The following CDH4 variants were observed in gnomAD, a reference collection of about 807,000 sequenced individuals.
The protein encoded by CDH4 is cadherin 4.
CDH4 carries 33 observed loss-of-function variants against 86.0 expected under a neutral mutation model. The ratio of observed to expected loss-of-function variants is 0.38; its 90% CI spans 0.29 to 0.51. CDH4 has a LOEUF of 0.51. CDH4 is among the 20% of genes least tolerant of loss of function. The pLI is 0.86. For missense variants in CDH4, 1,114 were observed against 1,307.4 expected (o/e 0.85, Z 2.28); for synonymous variants, 555 against 549.4 (o/e 1.01, Z -0.14).
At chr20:61,788,500 A>C (rs868120180) in intron 4 of CDH4, among the ~76,000 whole-genome samples, 3 of 152,264 alleles carry the variant, frequency 2.0e-5, no homozygotes, top group Middle Eastern at 3.4e-3. Flanking sequence ...CGGCACCCAG[A>C]GGTGGGGTCA....
At chr20:61,629,248 T>C (rs2427196) in intron 2 of CDH4, among the ~76,000 whole-genome samples, 89,857 of 152,108 alleles carry the variant, frequency 0.59, 26,710 homozygotes, top group East Asian at 0.72. Flanking sequence ...CCTGTGGCTC[T>C]GTGCACCCAG....
chr20:61,768,475 C>T (rs1309646133), intron 3 of CDH4, among the ~76,000 whole-genome samples: 1 of 152,138 alleles, frequency 6.6e-6, no homozygotes, highest in Non-Finnish European at 1.5e-5. Flanking sequence ...TAAGTCATTA[C>T]CCAATGCTCA....
chr20:61,808,077 C>T (rs1040052908), intron 4 of CDH4, among the ~76,000 whole-genome samples: 2 of 152,052 alleles, frequency 1.3e-5, no homozygotes, highest in Admixed American at 6.5e-5. Flanking sequence ...GTCAGCATGC[C>T]CCTGCCACAC....
At chr20:61,302,625 A>G (rs2084392323) in intron 2 of CDH4, among the ~76,000 whole-genome samples, 1 of 152,056 alleles carries the variant, frequency 6.6e-6, no homozygotes, top group South Asian at 2.1e-4. Context: ...GGTGCCTCCC[A>G]TGTCCTGCAT....
chr20:61,304,261 G>A (rs919127893), intron 2 of CDH4, among the ~76,000 whole-genome samples: 1 of 60,194 alleles, frequency 1.7e-5, no homozygotes, highest in South Asian at 6.7e-4. Flanking sequence ...ATAGTGGACG[G>A]CACCCCCCCA....
chr20:61,507,756 T>C (rs2085751494), intron 2 of CDH4, among the ~76,000 whole-genome samples: 1 of 152,156 alleles, frequency 6.6e-6, no homozygotes, highest in Non-Finnish European at 1.5e-5. Flanking sequence ...GGGGAAAAAC[T>C]GAGGCCATCT....
intron 2 of CDH4, among the ~76,000 whole-genome samples, chr20:61,522,921 G>T (rs1278550668): frequency 6.6e-6 from 1 of 152,264 alleles, no homozygotes; most frequent in East Asian, 1.9e-4. Context: ...TGCAGGGAAA[G>T]CACACAAAGC....
intron 6 of CDH4, among the ~76,000 whole-genome samples, chr20:61,860,524 A>G (rs1046961924): frequency 2.0e-5 from 3 of 152,150 alleles, no homozygotes; most frequent in Non-Finnish European, 2.9e-5. Context: ...CAGGTGATTT[A>G]TGAAGGACCT....
chr20:61,774,899 C>T (rs2088819632), intron 4 of CDH4, among the ~76,000 whole-genome samples: 2 of 152,208 alleles, frequency 1.3e-5, no homozygotes, highest in Non-Finnish European at 2.9e-5. Context: ...TGTATTTGTA[C>T]CACATTTGCT....
chr20:61,331,289 C>T (rs2084571213), intron 2 of CDH4, among the ~76,000 whole-genome samples: 1 of 152,040 alleles, frequency 6.6e-6, no homozygotes, highest in African/African-American at 2.4e-5. Flanking sequence ...GCCCTCTGGT[C>T]CCCTGAGTCC....
In CDH4 at chr20:61,871,404, G is replaced by A. The variant is rs549087471; in HGVS notation, c.878-2324G>A. On this transcript the variant is annotated intron_variant, in intron 6 of 15. Coordinates refer to ENST00000614565, the MANE Select transcript of CDH4 (RefSeq NM_001794.5). ...TTTGTGCTCTTTTAAAAAGGAGGCT[G>A]TGTGTGATGTTATCCCTCTCCACGA... Among the ~76,000 whole-genome samples the A allele has an allele frequency of 2.0e-5, 3 of 152,298 alleles. No individual in the cohort carries two copies. The East Asian group carries it at 5.8e-4, about 29-fold the overall frequency.
chr20:61,567,132 T>A (rs980252128), intron 2 of CDH4, among the ~76,000 whole-genome samples: 12 of 152,184 alleles, frequency 7.9e-5, no homozygotes, highest in African/African-American at 2.9e-4. Flanking sequence ...CTGTTTAGTG[T>A]ATCTGTTAAA....
chr20:61,493,142 G>C (rs918203919), intron 2 of CDH4, among the ~76,000 whole-genome samples: 1 of 152,232 alleles, frequency 6.6e-6, no homozygotes, highest in African/African-American at 2.4e-5. Flanking sequence ...ATTGACCAAA[G>C]TGGACTTTTC....
chr20:61,755,271 CCACA>C (rs571056841), intron 3 of CDH4, among the ~76,000 whole-genome samples: 3 of 148,390 alleles, frequency 2.0e-5, no homozygotes, highest in African/African-American at 7.5e-5. Context: ...CATATCAATA[CCACA>C]CACACACACA....
intron 2 of CDH4, among the ~76,000 whole-genome samples, chr20:61,503,011 C>A (rs2085715707): frequency 6.6e-6 from 1 of 152,120 alleles, no homozygotes; most frequent in Non-Finnish European, 1.5e-5. Flanking sequence ...CTTTTATTGG[C>A]TTGATGGAAT....
chr20:61,868,237 C>T (rs933659255), intron 6 of CDH4, among the ~76,000 whole-genome samples: 3 of 152,156 alleles, frequency 2.0e-5, no homozygotes, highest in East Asian at 1.9e-4. Flanking sequence ...CTTCCCAGGG[C>T]GGGCATCCTG....
At chr20:61,572,906 T>C (rs766983690) in intron 2 of CDH4, among the ~76,000 whole-genome samples, 7 of 150,236 alleles carry the variant, frequency 4.7e-5, no homozygotes, top group Non-Finnish European at 5.9e-5. Context: ...GACGGATGGA[T>C]GATGGTCAGA....
At chr20:61,542,090 C>T (rs1258355508) in intron 2 of CDH4, among the ~76,000 whole-genome samples, 2 of 152,204 alleles carry the variant, frequency 1.3e-5, no homozygotes, top group Admixed American at 6.5e-5. Context: ...ATGCTGAGCC[C>T]ATACCCAGAG....
chr20:61,268,790 A>G (rs1337231909), intron 2 of CDH4, among the ~76,000 whole-genome samples: 1 of 152,182 alleles, frequency 6.6e-6, no homozygotes, highest in Non-Finnish European at 1.5e-5. Context: ...AGGCCTCCCC[A>G]GAAGCAGATG....
Sources: gnomAD v4.1 joint callset for allele counts (sites outside exome capture counted in the v4.1 genomes callset) on GRCh38, gnomAD v4.1.1 for gene constraint, MANE v1.5 for transcripts, NCBI Gene and HGNC (gene_info 2026-07-23, HGNC 2026-07-21) for gene names.